MIR2052HG: variants seen among roughly 807,000 people sequenced by gnomAD.
The protein encoded by MIR2052HG is MIR2052 host gene.
intron 4 of MIR2052HG, among the ~76,000 whole-genome samples, chr8:74,746,999 CTACCAAAGAA>C (rs997773680): frequency 2.6e-5 from 4 of 152,224 alleles, no homozygotes; most frequent in African/African-American, 9.6e-5. Context: ...AGGAAAAAAG[CTACCAAAGAA>C]TAAATTGATT....
At chr8:74,639,510 T>G (rs1205819512) in intron 2 of MIR2052HG, among the ~76,000 whole-genome samples, 1 of 152,154 alleles carries the variant, frequency 6.6e-6, no homozygotes, top group Non-Finnish European at 1.5e-5. Context: ...ACTGGTCACA[T>G]AGAGTTATTA....
At chr8:74,698,353 A>C (rs183830699) in intron 2 of MIR2052HG, among the ~76,000 whole-genome samples, 1 of 152,328 alleles carries the variant, frequency 6.6e-6, no homozygotes, top group African/African-American at 2.4e-5. Flanking sequence ...TACAACAATC[A>C]ACTCAACATG....
intron 4 of MIR2052HG, among the ~76,000 whole-genome samples, chr8:74,744,247 T>C (rs953608278): frequency 6.6e-6 from 1 of 151,570 alleles, no homozygotes; most frequent in Non-Finnish European, 1.5e-5. Flanking sequence ...TTTTTAAATT[T>C]TTTTATTTTT....
chr8:74,725,921 A>T (rs539293201), intron 4 of MIR2052HG, among the ~76,000 whole-genome samples: 1 of 152,222 alleles, frequency 6.6e-6, no homozygotes, highest in Non-Finnish European at 1.5e-5. Flanking sequence ...GCTACTGTCT[A>T]ACTCCACATA....
intron 4 of MIR2052HG, among the ~76,000 whole-genome samples, chr8:74,726,033 G>T (rs1226252536): frequency 2.0e-5 from 3 of 151,858 alleles, no homozygotes; most frequent in African/African-American, 7.3e-5. Flanking sequence ...CTCTACTAAA[G>T]ATACAAAAAA....
chr8:74,724,921 A>C (rs551440888), intron 4 of MIR2052HG, among the ~76,000 whole-genome samples: 93 of 151,990 alleles, frequency 6.1e-4, no homozygotes, highest in Middle Eastern at 3.4e-3. Context: ...GCTGGTAAGC[A>C]CTAAAACCAT....
intron 2 of MIR2052HG, among the ~76,000 whole-genome samples, chr8:74,663,470 G>A (rs769922353): frequency 1.8e-4 from 27 of 152,208 alleles, no homozygotes; most frequent in Non-Finnish European, 2.4e-4. Flanking sequence ...AGGGAATATT[G>A]GCTGAGCCAG....
chr8:74,721,032 C>A (rs550919525), intron 4 of MIR2052HG, among the ~76,000 whole-genome samples: 1 of 152,240 alleles, frequency 6.6e-6, no homozygotes, highest in South Asian at 2.1e-4. Context: ...GGACACAGAG[C>A]CAAACCATAT....
intron 1 of MIR2052HG, among the ~76,000 whole-genome samples, chr8:74,611,996 C>T (rs1157218313): frequency 2.0e-5 from 3 of 152,208 alleles, no homozygotes; most frequent in Non-Finnish European, 2.9e-5. Context: ...GCAAGCTCAT[C>T]CCCCGAAGCT....
At chr8:74,660,335 T>C (rs968654548) in intron 2 of MIR2052HG, among the ~76,000 whole-genome samples, 3 of 152,200 alleles carry the variant, frequency 2.0e-5, no homozygotes, top group Non-Finnish European at 2.9e-5. Context: ...GAAAGAAGAC[T>C]CTGGCCCAGC....
At chr8:74,732,380 C>A (rs1457256171) in intron 4 of MIR2052HG, among the ~76,000 whole-genome samples, 1 of 152,066 alleles carries the variant, frequency 6.6e-6, no homozygotes, top group East Asian at 1.9e-4. Context: ...TACCAAGGTA[C>A]AACTATATTT....
chr8:74,685,498 G>A (rs530634217), intron 2 of MIR2052HG, among the ~76,000 whole-genome samples: 2 of 152,130 alleles, frequency 1.3e-5, no homozygotes, highest in South Asian at 4.1e-4. Flanking sequence ...TTGGAATCTG[G>A]CATTTATCTT....
intron 2 of MIR2052HG, among the ~76,000 whole-genome samples, chr8:74,625,872 T>C (rs1421961665): frequency 3.9e-5 from 6 of 152,216 alleles, no homozygotes; most frequent in Admixed American, 3.3e-4. Flanking sequence ...TTTTGAACAA[T>C]AATCTGTAAT....
intron 2 of MIR2052HG, among the ~76,000 whole-genome samples, chr8:74,635,557 G>A (rs1191932264): frequency 6.6e-6 from 1 of 152,112 alleles, no homozygotes; most frequent in East Asian, 1.9e-4. Flanking sequence ...TAGAGTCGAG[G>A]GAAATAAAGT....
chr8:74,633,523 T>G (rs1808545170), intron 2 of MIR2052HG, among the ~76,000 whole-genome samples: 1 of 152,204 alleles, frequency 6.6e-6, no homozygotes, highest in South Asian at 2.1e-4. Context: ...ATCACAAGGC[T>G]CCTCCTCAGA....
In MIR2052HG at chr8:74,681,825, T is replaced by C. The variant is rs1809128266; in HGVS notation, n.217-20554T>C. On this transcript the variant is annotated intron_variant and non_coding_transcript_variant, in intron 2 of 6. Transcript: ENST00000523442. The stretch of plus-strand genomic sequence containing the variant: ...ATAAGTTACTTAGCTTGTGGTATTC[T>C]GTTATAGCAGAAGAAAACAGGCTAA... Among the ~76,000 whole-genome samples, 2 of 152,200 alleles carry C rather than the reference T, an allele frequency of 1.3e-5. 1 individual carries two copies. The highest frequency in any genetic ancestry group is 4.1e-4 in the South Asian group (2 of 4,830).
chr8:74,694,861 G>C (rs138628225), intron 2 of MIR2052HG, among the ~76,000 whole-genome samples: 1 of 152,120 alleles, frequency 6.6e-6, no homozygotes, highest in Admixed American at 6.5e-5. Flanking sequence ...AGAATGATTG[G>C]TGTTCCTGAG....
chr8:74,622,121 T>C (rs1314869455), intron 2 of MIR2052HG, among the ~76,000 whole-genome samples: 3 of 152,030 alleles, frequency 2.0e-5, no homozygotes, highest in Non-Finnish European at 4.4e-5. Context: ...AGATGACCTA[T>C]GGAATGGGAA....
chr8:74,660,341 C>G (rs1808848320), intron 2 of MIR2052HG, among the ~76,000 whole-genome samples: 1 of 152,148 alleles, frequency 6.6e-6, no homozygotes, highest in Non-Finnish European at 1.5e-5. Context: ...AGACTCTGGC[C>G]CAGCTCATTT....
Sources: gnomAD v4.1 joint callset for allele counts (sites outside exome capture counted in the v4.1 genomes callset) on GRCh38, gnomAD v4.1.1 for gene constraint, MANE v1.5 for transcripts, NCBI Gene and HGNC (gene_info 2026-07-23, HGNC 2026-07-21) for gene names.